The following NFIL3 variants were observed in gnomAD, a reference collection of about 807,000 sequenced individuals.
NFIL3 encodes nuclear factor interleukin-3-regulated protein.
In NFIL3, 5 loss-of-function variants were observed where a neutral mutation model predicts 10.0. That is an observed-to-expected ratio of 0.50 (90% CI 0.26 to 1.06). The LOEUF is 1.06. Ranked by LOEUF, NFIL3 falls within the 50% of genes least tolerant of loss-of-function variation. The pLI is 0.13. For synonymous variants in NFIL3, 202 were observed against 206.5 expected (o/e 0.98, Z 0.19); for missense variants, 436 against 547.6 (o/e 0.80, Z 2.03).
At chr9:91,463,512 G>T in the NFIL3 span, among the ~76,000 whole-genome samples, 1 of 151,828 alleles carries the variant, frequency 6.6e-6, no homozygotes, top group Non-Finnish European at 1.5e-5. Flanking sequence ...AATATCCAGG[G>T]ATTATCCAGC....
the NFIL3 span, among the ~76,000 whole-genome samples, chr9:91,436,699 C>T: frequency 2.0e-5 from 3 of 152,178 alleles, no homozygotes; most frequent in Non-Finnish European, 2.9e-5. Flanking sequence ...AGGACCCTGG[C>T]TACCAAGAGT....
At chr9:91,449,420 T>C in the NFIL3 span, among the ~76,000 whole-genome samples, 8 of 152,156 alleles carry the variant, frequency 5.3e-5, no homozygotes, top group African/African-American at 1.2e-4. Context: ...ATAAAAAAGA[T>C]ATTGGATTGT....
the NFIL3 span, among the ~76,000 whole-genome samples, chr9:91,437,082 C>A: frequency 6.6e-6 from 1 of 152,166 alleles, no homozygotes; most frequent in Non-Finnish European, 1.5e-5. Flanking sequence ...CTAATGCTTC[C>A]GCTGCTCTGA....
upstream of NFIL3, chr9:91,427,165 C>T (rs1390097892): frequency 6.6e-6 from 1 of 151,682 alleles, no homozygotes; most frequent in Admixed American, 6.6e-5. Flanking sequence ...TCCAATTATT[C>T]AAAAGAAAGT....
chr9:91,450,207 TG>T, the NFIL3 span, among the ~76,000 whole-genome samples: 2 of 152,234 alleles, frequency 1.3e-5, no homozygotes, highest in Non-Finnish European at 2.9e-5. Flanking sequence ...TTTATTTATC[TG>T]CTATCTAACC....
the NFIL3 span, among the ~76,000 whole-genome samples, chr9:91,469,945 G>A: frequency 6.6e-6 from 1 of 152,148 alleles, no homozygotes; most frequent in South Asian, 2.1e-4. Context: ...GTATTTTATT[G>A]AGGATTTTCA....
intron 1 of NFIL3, 76 bp downstream of exon 1, chr9:91,423,564 G>GCGCCCGCCCGCC (rs904096094): frequency 6.7e-6 from 1 of 148,274 alleles, no homozygotes; most frequent in African/African-American, 2.4e-5. Flanking sequence ...CCCGCACCCC[G>GCGCCCGCCCGCC]CGCCCGCCCG....
At chr9:91,453,588 A>T in the NFIL3 span, among the ~76,000 whole-genome samples, 1 of 152,080 alleles carries the variant, frequency 6.6e-6, no homozygotes, top group Non-Finnish European at 1.5e-5. Flanking sequence ...TCCTGTGGGT[A>T]TACTAATAAA....
the NFIL3 span, among the ~76,000 whole-genome samples, chr9:91,444,657 G>A: frequency 1.3e-5 from 2 of 152,158 alleles, no homozygotes; most frequent in African/African-American, 4.8e-5. Flanking sequence ...GGTCCCAGGT[G>A]GGTGTAGTTA....
chr9:91,476,974 A>C, the NFIL3 span, among the ~76,000 whole-genome samples: 1 of 152,178 alleles, frequency 6.6e-6, no homozygotes, highest in Admixed American at 6.5e-5. Flanking sequence ...CAAAACTCTA[A>C]TTCCTGTTAA....
the NFIL3 span, among the ~76,000 whole-genome samples, chr9:91,438,244 T>C: frequency 6.6e-6 from 1 of 152,226 alleles, no homozygotes; most frequent in Non-Finnish European, 1.5e-5. Flanking sequence ...TTTTGACTCG[T>C]GTTTCCTGAT....
At chr9:91,480,946 G>A in the NFIL3 span, among the ~76,000 whole-genome samples, 2 of 152,174 alleles carry the variant, frequency 1.3e-5, no homozygotes, top group Non-Finnish European at 2.9e-5. Flanking sequence ...AGCGGAGCAG[G>A]GAAGGGCGCG....
At chr9:91,436,613 CAACAACAAA>C in the NFIL3 span, among the ~76,000 whole-genome samples, 106 of 148,614 alleles carry the variant, frequency 7.1e-4, no homozygotes, top group African/African-American at 2.1e-3. Context: ...ACAACAACAA[CAACAACAAA>C]GAGTTGAAGG....
chr9:91,416,158 CTTTT>C (rs76390990), intron 1 of NFIL3, among the ~76,000 whole-genome samples: 2 of 139,510 alleles, frequency 1.4e-5, no homozygotes, highest in Admixed American at 7.2e-5. Flanking sequence ...TGATCTTCTT[CTTTT>C]TTTTTTTTTT....
chr9:91,482,602 T>A, the NFIL3 span, among the ~76,000 whole-genome samples: 1 of 152,002 alleles, frequency 6.6e-6, no homozygotes, highest in African/African-American at 2.4e-5. Context: ...CGGGTTCAAG[T>A]GATTCTCTTG....
At chr9:91,463,289 T>G in the NFIL3 span, among the ~76,000 whole-genome samples, 1 of 151,830 alleles carries the variant, frequency 6.6e-6, no homozygotes, top group Non-Finnish European at 1.5e-5. Context: ...GGTTATTGAT[T>G]TTAGATATTT....
upstream of NFIL3, among the ~76,000 whole-genome samples, chr9:91,427,619 TTTGTTGTTGTTG>T (rs139394510): frequency 1.5e-4 from 22 of 150,246 alleles, no homozygotes; most frequent in African/African-American, 3.7e-4. Flanking sequence ...GCATACCGTT[TTTGTTGTTGTTG>T]TTGTTGTTGT....
At chr9:91,472,642 G>T in the NFIL3 span, among the ~76,000 whole-genome samples, 1 of 152,048 alleles carries the variant, frequency 6.6e-6, no homozygotes, top group South Asian at 2.1e-4. Context: ...CCTTGTGATG[G>T]GTTCAAACAT....
At chr9:91,427,066 C>A (rs929757553), upstream of NFIL3, 1 of 151,332 alleles carries the variant, frequency 6.6e-6, no homozygotes, top group Non-Finnish European at 1.5e-5. Flanking sequence ...CTCAAAAGAA[C>A]GTTGACTTTT....
Sources: allele counts gnomAD v4.1 joint callset (sites outside exome capture counted in the v4.1 genomes callset), GRCh38; gene constraint gnomAD v4.1.1; transcripts MANE v1.5; gene names NCBI Gene and HGNC (gene_info 2026-07-23, HGNC 2026-07-21).